Variants in ATP9B observed in about 807,000 individuals in gnomAD.
ATP9B encodes the protein ATPase phospholipid transporting 9B, also known as probable phospholipid-transporting ATPase IIB.
A neutral mutation model predicts 146.1 loss-of-function variants in ATP9B; 110 were observed. That is an observed-to-expected ratio of 0.75 (90% CI 0.65 to 0.88). The LOEUF is 0.88. Ranked by LOEUF, ATP9B falls within the 40% of genes least tolerant of loss-of-function variation. The pLI, the probability that ATP9B is intolerant of heterozygous loss-of-function variation, is 0.00. For synonymous variants in ATP9B, 604 were observed against 569.7 expected, an observed-to-expected ratio of 1.06 and a Z score of -0.86; for missense variants, 1,499 against 1,496.4, an observed-to-expected ratio of 1.00 and a Z score of -0.03.
At chr18:79,222,027 G>A (rs2148494695) in intron 11 of ATP9B, among the ~76,000 whole-genome samples, 1 of 151,870 alleles carries the variant, frequency 6.6e-6, no homozygotes, top group Non-Finnish European at 1.5e-5. Context: ...GAGTTCAACA[G>A]ACATTTCCCA....
intron 12 of ATP9B, among the ~76,000 whole-genome samples, chr18:79,271,459 G>C (rs1487253281): frequency 7.3e-6 from 1 of 137,814 alleles, no homozygotes; most frequent in African/African-American, 2.7e-5. Flanking sequence ...TCATTGTTCA[G>C]TTCCCACCTA....
intron 12 of ATP9B, among the ~76,000 whole-genome samples, chr18:79,258,699 T>A (rs926620470): frequency 2.0e-5 from 3 of 152,218 alleles, no homozygotes; most frequent in Non-Finnish European, 4.4e-5. Flanking sequence ...TTTAGCATGT[T>A]CAGTCATGCT....
intron 1 of ATP9B, among the ~76,000 whole-genome samples, chr18:79,094,014 T>G (rs2074568740): frequency 6.6e-6 from 1 of 152,260 alleles, no homozygotes; most frequent in South Asian, 2.1e-4. Flanking sequence ...TATTGTGTTG[T>G]GGGATTCTGG....
At chr18:79,340,050 T>G (rs1159697264) in intron 19 of ATP9B, among the ~76,000 whole-genome samples, 1 of 152,122 alleles carries the variant, frequency 6.6e-6, no homozygotes, top group Non-Finnish European at 1.5e-5. Context: ...GGCGGGAGGC[T>G]CAATCGAGCC....
At chr18:79,278,009 A>T (rs2096332808) in intron 13 of ATP9B, among the ~76,000 whole-genome samples, 1 of 152,258 alleles carries the variant, frequency 6.6e-6, no homozygotes, top group South Asian at 2.1e-4. Flanking sequence ...TAAAATTCAT[A>T]ATGGAAGCTC....
chr18:79,340,653 G>C (rs547088954), intron 19 of ATP9B, among the ~76,000 whole-genome samples: 1 of 152,116 alleles, frequency 6.6e-6, no homozygotes, highest in East Asian at 1.9e-4. Flanking sequence ...GTTCTTTGCT[G>C]TTATATATAT....
At chr18:79,265,612 T>A (rs1444855982) in intron 12 of ATP9B, among the ~76,000 whole-genome samples, 2 of 152,138 alleles carry the variant, frequency 1.3e-5, no homozygotes, top group Non-Finnish European at 2.9e-5. Context: ...GATCTGTAGT[T>A]TGCAAAAAAA....
intron 11 of ATP9B, among the ~76,000 whole-genome samples, chr18:79,227,379 T>C (rs1029195975): frequency 1.5e-5 from 2 of 133,462 alleles, no homozygotes; most frequent in Non-Finnish European, 3.1e-5. Context: ...GCCGCGTGTG[T>C]GTGTGAATTG....
At chr18:79,206,473 A>G (rs971330062) in intron 9 of ATP9B, among the ~76,000 whole-genome samples, 1 of 152,000 alleles carries the variant, frequency 6.6e-6, no homozygotes, top group African/African-American at 2.4e-5. Context: ...CTACTTTTCC[A>G]GGAGTGTTGT....
chr18:79,229,465 A>T (rs559345237), intron 11 of ATP9B, among the ~76,000 whole-genome samples: 9 of 152,376 alleles, frequency 5.9e-5, no homozygotes, highest in African/African-American at 1.7e-4. Context: ...CACACAGTAT[A>T]GAGAGCAGAA....
chr18:79,349,368 T>C (rs1348040268), intron 25 of ATP9B, among the ~76,000 whole-genome samples: 1 of 152,174 alleles, frequency 6.6e-6, no homozygotes, highest in Non-Finnish European at 1.5e-5. Context: ...TTGTCCCCAC[T>C]TCATGTGTGA....
At chr18:79,347,666 A>C in intron 23 of ATP9B, 104 bp from the exon 24 acceptor site, 1 of 1,321,484 alleles carries the variant, frequency 7.6e-7, no homozygotes, top group African/African-American at 1.5e-5. Context: ...TGCAGAGAGA[A>C]TTTCGGTCTT....
At chr18:79,149,139 T>C (rs1318383474) in intron 6 of ATP9B, among the ~76,000 whole-genome samples, 1 of 152,226 alleles carries the variant, frequency 6.6e-6, no homozygotes, top group African/African-American at 2.4e-5. Context: ...AGCAGGGTTT[T>C]TTTCTTCTTA....
In ATP9B at chr18:79,347,834, T is replaced by C. The variant is rs1245594011; in HGVS notation, c.2747T>C (p.Leu916Pro). The C allele has an allele frequency of 1.2e-6, 2 of 1,613,596 alleles. No individual in the cohort carries two copies. Among genetic ancestry groups the C allele is most frequent in the Non-Finnish European group, 1.7e-6 (2 of 1,179,698 alleles). ...SITQFRHIGRLLMVHGRNSYK... is the reference protein window; with the variant it reads ...SITQFRHIGRPLMVHGRNSYK... ...ACGCAGTTCCGGCACATAGGCAGGCTGCTCATGGTGCACGGGCGGAACAGC... is the reference window on the plus strand; with the variant it reads ...ACGCAGTTCCGGCACATAGGCAGGCCGCTCATGGTGCACGGGCGGAACAGC... Residue 916 changes from leucine to proline, a missense_variant, in exon 24 of 30, where the codon CTG becomes CCG. Coordinates refer to ENST00000426216, the MANE Select transcript of ATP9B (RefSeq NM_198531.5).
intron 1 of ATP9B, among the ~76,000 whole-genome samples, chr18:79,090,426 C>T (rs955194890): frequency 6.6e-6 from 1 of 152,190 alleles, no homozygotes; most frequent in Non-Finnish European, 1.5e-5. Flanking sequence ...TACATCCTTG[C>T]CAGCATTTGT....
At chr18:79,208,565 C>T (rs989466690) in intron 10 of ATP9B, among the ~76,000 whole-genome samples, 1 of 152,058 alleles carries the variant, frequency 6.6e-6, no homozygotes, top group Non-Finnish European at 1.5e-5. Context: ...CACATGTTAG[C>T]TTTTTGGATG....
At chr18:79,336,940 T>G (rs990297913) in intron 18 of ATP9B, among the ~76,000 whole-genome samples, 1 of 152,228 alleles carries the variant, frequency 6.6e-6, no homozygotes, top group Non-Finnish European at 1.5e-5. Flanking sequence ...GCCAGTTTCC[T>G]TAGAATTGTG....
At chr18:79,258,041 G>A (rs917763519) in intron 12 of ATP9B, among the ~76,000 whole-genome samples, 2 of 152,106 alleles carry the variant, frequency 1.3e-5, no homozygotes, top group Non-Finnish European at 2.9e-5. Context: ...AACATAGAAA[G>A]ATTTGACCTT....
intron 26 of ATP9B, among the ~76,000 whole-genome samples, chr18:79,369,487 C>T (rs779925044): frequency 4.8e-5 from 7 of 144,434 alleles, no homozygotes; most frequent in African/African-American, 1.3e-4. Flanking sequence ...GAGCCAAGGT[C>T]GCACCACTGC....
Sources: gnomAD v4.1 joint callset for allele counts (sites outside exome capture counted in the v4.1 genomes callset) on GRCh38, gnomAD v4.1.1 for gene constraint, MANE v1.5 for transcripts, NCBI Gene and HGNC (gene_info 2026-07-23, HGNC 2026-07-21) for gene names.